The following SLC9C2 variants were observed in gnomAD, a reference collection of about 807,000 sequenced individuals.
The protein encoded by SLC9C2 is sodium/hydrogen exchanger 11.
In SLC9C2, 75 loss-of-function variants were observed where a neutral mutation model predicts 140.2. That is an observed-to-expected ratio of 0.53 (90% CI 0.44 to 0.65). The LOEUF is 0.65. Ranked by LOEUF, SLC9C2 falls within the 30% of genes least tolerant of loss-of-function variation. The pLI is 0.00. For synonymous variants in SLC9C2, 375 were observed against 420.9 expected (o/e 0.89, Z 1.34); for missense variants, 1,074 against 1,331.8 (o/e 0.81, Z 3.01).
chr1:173,547,755 C>T lies in SLC9C2; in HGVS notation c.1491G>A (p.Lys497=). Residue 497 remains lysine, a synonymous_variant, in exon 13 of 28, where the codon AAG becomes AAA. Coordinates refer to ENST00000367714, the MANE Select transcript of SLC9C2 (RefSeq NM_178527.4). ...AAGCTTCATCTGTTGTGGATTCTGT[C>T]TTCATATCATTATGTGAAACGTGGG... ...PFSHVSHNDM[K]TESTTDEALM... The T allele has an allele frequency of 6.2e-7, 1 of 1,612,150 alleles. No homozygotes were observed. Among genetic ancestry groups the T allele is most frequent in the Non-Finnish European group, 8.5e-7 (1 of 1,178,686 alleles).
At chr1:173,588,269 G>A (rs1395232504) in intron 4 of SLC9C2, among the ~76,000 whole-genome samples, 1 of 152,126 alleles carries the variant, frequency 6.6e-6, no homozygotes, top group Non-Finnish European at 1.5e-5. Context: ...TGTAAAATAA[G>A]TAGTTCTGCA....
chr1:173,573,670 G>T (rs1664981187), intron 8 of SLC9C2, among the ~76,000 whole-genome samples: 1 of 152,200 alleles, frequency 6.6e-6, no homozygotes, highest in Non-Finnish European at 1.5e-5. Flanking sequence ...GCTAAACCCG[G>T]AGTTGTAGTT....
At chr1:173,557,616 G>A in intron 9 of SLC9C2, 108 bp from the exon 10 acceptor site, 6 of 1,056,762 alleles carry the variant, frequency 5.7e-6, no homozygotes, top group Non-Finnish European at 4.1e-6. Flanking sequence ...TTTCGGGAAA[G>A]AAAAAAACAA....
intron 10 of SLC9C2, 100 bp from the exon 11 acceptor site, chr1:173,554,914 C>G: frequency 2.6e-6 from 2 of 756,196 alleles, no homozygotes; most frequent in South Asian, 3.6e-5. Flanking sequence ...CTATTAATAT[C>G]TTAATCCACA....
At chr1:173,514,910 G>A (rs12075021) in intron 23 of SLC9C2, among the ~76,000 whole-genome samples, 46,854 of 151,858 alleles carry the variant, frequency 0.31, 9,879 homozygotes, top group African/African-American at 0.61. Flanking sequence ...TTTTTTTATG[G>A]AGCTTAGTTT....
chr1:173,508,877 T>G (rs190271605), intron 24 of SLC9C2, among the ~76,000 whole-genome samples: 1 of 152,282 alleles, frequency 6.6e-6, no homozygotes, highest in East Asian at 1.9e-4. Context: ...TCCACAAAGA[T>G]TTTGAAAAGG....
At chr1:173,592,289 T>C (rs1437448801) in intron 4 of SLC9C2, among the ~76,000 whole-genome samples, 2 of 152,228 alleles carry the variant, frequency 1.3e-5, no homozygotes, top group Non-Finnish European at 2.9e-5. Context: ...TGAAGTTGGA[T>C]AATGTGATGC....
At chr1:173,549,349 C>T (rs1455972742) in intron 11 of SLC9C2, among the ~76,000 whole-genome samples, 1 of 152,222 alleles carries the variant, frequency 6.6e-6, no homozygotes, top group Admixed American at 6.5e-5. Context: ...TCTCAAACAT[C>T]AGGATCAGTT....
intron 15 of SLC9C2, 139 bp from the exon 16 acceptor site, chr1:173,534,821 G>A: frequency 1.4e-6 from 1 of 690,790 alleles, no homozygotes; most frequent in Non-Finnish European, 2.0e-6. Flanking sequence ...AAAATCAAAA[G>A]CATATTTTCT....
Position 173,587,657 on chromosome 1 carries a change from T to C in SLC9C2, c.523+8A>G. ...TCAAGATAAGAGAGAGAAATAAATG[T>C]GACATACCAATAGTTTTTAGTGAAT... On this transcript the variant is annotated splice_region_variant and intron_variant, in intron 5 of 27. Transcript: ENST00000367714. 6.2e-7 allele frequency: 1 copy of C among 1,603,362 alleles called. No individual in the cohort carries two copies. Among genetic ancestry groups the C allele is most frequent in the Non-Finnish European group, 8.5e-7 (1 of 1,174,148 alleles).
chr1:173,549,900 A>G (rs61828886), intron 11 of SLC9C2, among the ~76,000 whole-genome samples: 22,521 of 152,248 alleles, frequency 0.15, 2,009 homozygotes, highest in East Asian at 0.31. Flanking sequence ...TTTGAATACC[A>G]GAGTAGGAGG....
At position 173,557,407 on chromosome 1, in the gene SLC9C2, ACTC is replaced by A. The variant is rs757535814; in HGVS notation, c.1145_1147del (p.Gly382del). ...ATCAGGAGCCCAGAGTAAATTAAAA[ACTC>A]CTTTAATTCCAGACCACGTGATTAC... On this transcript the variant is annotated inframe_deletion, in exon 10 of 28. Transcript: ENST00000367714. 9.9e-6 allele frequency: 16 copies of A among 1,613,444 alleles called. No individual in the cohort carries two copies. Among genetic ancestry groups the A allele is most frequent in the Non-Finnish European group, 1.4e-5 (16 of 1,179,736 alleles).
intron 26 of SLC9C2, among the ~76,000 whole-genome samples, chr1:173,504,526 G>A (rs570656292): frequency 6.6e-6 from 1 of 152,250 alleles, no homozygotes; most frequent in Admixed American, 6.5e-5. Context: ...TAAACTGATG[G>A]ATCACATGAA....
Position 173,554,776 on chromosome 1 carries a change from C to G in SLC9C2, c.1254G>C (p.Met418Ile). The change falls in exon 11 of 28, where the codon ATG (methionine) becomes ATC (isoleucine). Residue 418 changes from methionine (M) to isoleucine (I), a missense_variant. Transcript: ENST00000367714. ...LYVQVISLLT[M>I]GINSYVMTQS... ...GAGTCATCACGTATGAATTTATTCC[C>G]ATTGTCAATAATGATATTACTTGTA... 6.2e-7 allele frequency: 1 copy of G among 1,608,984 alleles called. No homozygotes were observed. Among genetic ancestry groups the G allele is most frequent in the Non-Finnish European group, 8.5e-7 (1 of 1,175,508 alleles).
At chr1:173,544,515 C>T (rs973744485) in intron 13 of SLC9C2, among the ~76,000 whole-genome samples, 5 of 152,082 alleles carry the variant, frequency 3.3e-5, no homozygotes, top group Non-Finnish European at 5.9e-5. Context: ...TAGGTATATA[C>T]CCAAAGGATT....
In SLC9C2 at chr1:173,534,679, A is replaced by G; in HGVS notation, c.1779T>C (p.Ser593=). 2 of 1,487,868 alleles carry G rather than the reference A, an allele frequency of 1.3e-6. No homozygotes were observed. Among genetic ancestry groups the G allele is most frequent in the Non-Finnish European group, 1.8e-6 (2 of 1,111,076 alleles). The allele number at this position is 1,487,868 out of a possible 1,614,324, so 92.2% of individuals were successfully genotyped here. A position where few individuals can be genotyped will look rare whatever the true frequency, so the allele number is the denominator to read the frequency against. ...IEKIHFIPPE[S]NTFLTFIFHI... ...GAAATATAAAAGTCAGAAATGTATT[A>G]CTCCTGAAAAGAGATCAAATAAAAT... The change falls in exon 16 of 28, where the codon AGT becomes AGC. Residue 593 remains serine, a synonymous_variant. Coordinates refer to ENST00000367714, the MANE Select transcript of SLC9C2 (RefSeq NM_178527.4).
intron 9 of SLC9C2, among the ~76,000 whole-genome samples, chr1:173,557,827 G>A (rs1663815651): frequency 6.6e-6 from 1 of 152,086 alleles, no homozygotes; most frequent in East Asian, 1.9e-4. Flanking sequence ...ATGCTGACAA[G>A]CTCATCTACT....
intron 22 of SLC9C2, 117 bp from the exon 23 acceptor site, chr1:173,517,821 C>T: frequency 1.2e-6 from 1 of 857,416 alleles, no homozygotes. Context: ...GATCTCCTGT[C>T]AGGTGTGAAA....
At chr1:173,562,051 T>C (rs1664155598) in intron 9 of SLC9C2, among the ~76,000 whole-genome samples, 1 of 152,142 alleles carries the variant, frequency 6.6e-6, no homozygotes, top group South Asian at 2.1e-4. Flanking sequence ...GTACTAAAAA[T>C]CTGGGCACCG....
Sources: allele counts gnomAD v4.1 joint callset (sites outside exome capture counted in the v4.1 genomes callset), GRCh38; gene constraint gnomAD v4.1.1; transcripts MANE v1.5; gene names NCBI Gene and HGNC (gene_info 2026-07-23, HGNC 2026-07-21).